DHRS7: variants seen among roughly 807,000 people sequenced by gnomAD.
The protein encoded by DHRS7 is dehydrogenase/reductase SDR family member 7.
A neutral mutation model predicts 38.9 loss-of-function variants in DHRS7; 34 were observed. The observed-to-expected ratio is 0.87, with a 90% CI of 0.66 to 1.16. DHRS7 has a LOEUF of 1.16. Among genes scored for constraint, DHRS7 ranks in the 50% most tolerant of loss-of-function variants. DHRS7 has a pLI of 0.00. For missense variants in DHRS7, 421 were observed against 407.0 expected (o/e 1.03, Z -0.30); for synonymous variants, 158 against 153.1 (o/e 1.03, Z -0.24).
chr14:60,149,639 A>T (rs533715327), intron 5 of DHRS7, 71 bp from the exon 6 acceptor site: 1 of 1,256,482 alleles, frequency 8.0e-7, no homozygotes, highest in African/African-American at 1.5e-5. Context: ...AAAGGACTCA[A>T]ATGCCGTCTA....
At position 60,144,987 on chromosome 14, in the gene DHRS7, G is replaced by A; in HGVS notation, c.999C>T (p.Ile333=). ...CTTTTCAGTCATGTTTTGTCTTAAA[G>A]ATTTTAAAATAAGAAGAGTCTGCAT... The part of the protein sequence containing the change: ...GVDADSSYFK[I]FKTKHD Residue 333 remains isoleucine, a synonymous_variant, in exon 7 of 7, where the codon ATC becomes ATT. Coordinates refer to ENST00000557185, the MANE Select transcript of DHRS7 (RefSeq NM_016029.4). The A allele has an allele frequency of 6.2e-7, 1 of 1,602,642 alleles. No homozygotes were observed.
rs1291166219 is a variant in DHRS7, at chr14:60,152,897, ATTTAAGTCAGTTCTATCAGAGTTGAGTT to A, written c.633+14_633+41del. 6.2e-7 allele frequency: 1 copy of A among 1,611,240 alleles called. No homozygotes were observed. The highest frequency in any genetic ancestry group is 8.5e-7 in the Non-Finnish European group (1 of 1,177,830). ...TGATGGCCATATCCCCCATATACAC[ATTTAAGTCAGTTCTATCAGAGTTGAGTT>A]TGAGCAGCCTTACCCGGAGAGCATG... On this transcript the variant is annotated intron_variant, in intron 4 of 6. Transcript: ENST00000557185.
chr14:60,150,188 C>CA lies in DHRS7; in HGVS notation c.634-2_634-1insT. Reference sequence around the variant, plus strand: ...CTGTTCGAAGGCCATTAAAAAAACCCTAACAGACAAAAAAAAAAAAAAAGG... The same window carrying CA: ...CTGTTCGAAGGCCATTAAAAAAACCCATAACAGACAAAAAAAAAAAAAAAGG... On this transcript the variant is annotated splice_acceptor_variant, in intron 4 of 6. Transcript: ENST00000557185. LOFTEE classifies it high-confidence loss of function. The CA allele has an allele frequency of 7.2e-7, 1 of 1,392,742 alleles. No individual in the cohort carries two copies. Among genetic ancestry groups the CA allele is most frequent in the Non-Finnish European group, 9.3e-7 (1 of 1,078,356 alleles). 86.3% of individuals were successfully genotyped at this position (1,392,742 alleles called of 1,614,324 possible).
upstream of DHRS7, chr14:60,165,660 A>G (rs2140620258): frequency 9.4e-7 from 1 of 1,068,500 alleles, no homozygotes; most frequent in South Asian, 3.7e-5. This position sits in a 1 kb window ranked among gnomAD's most constrained non-coding sequence, Gnocchi z 4.6. Context: ...TGATTCAAAC[A>G]TAAGCTACAT....
upstream of DHRS7, chr14:60,168,581 A>G (rs966165272): frequency 6.0e-6 from 8 of 1,326,390 alleles, no homozygotes; most frequent in Middle Eastern, 4.1e-4. Context: ...ATTTTAAAGT[A>G]AAAAGTTAAA....
intron 1 of DHRS7, 141 bp from the exon 2 acceptor site, chr14:60,156,293 T>G (rs895275960): frequency 1.5e-6 from 1 of 679,628 alleles, no homozygotes; most frequent in African/African-American, 1.9e-5. Context: ...TTTGAAATAT[T>G]CTAAGAAAGC....
intron 4 of DHRS7, chr14:60,152,574 TG>T (rs934089747): frequency 3.2e-5 from 7 of 216,226 alleles, no homozygotes; most frequent in African/African-American, 1.6e-4. Flanking sequence ...AAAGGAGAAG[TG>T]GACCCCCAAT....
intron 6 of DHRS7, 90 bp downstream of exon 6, chr14:60,149,263 C>G (rs772915402): frequency 7.8e-7 from 1 of 1,286,722 alleles, no homozygotes; most frequent in Non-Finnish European, 1.1e-6. Context: ...GCCACTGCAC[C>G]CAGCCAGAAA....
chr14:60,147,287 T>C (rs943897897), intron 6 of DHRS7: 4 of 152,172 alleles, frequency 2.6e-5, no homozygotes, highest in Non-Finnish European at 5.9e-5. Flanking sequence ...ACTTATGTTA[T>C]TATAATTTAC....
At chr14:60,152,457 A>G (rs1327217510) in intron 4 of DHRS7, among the ~76,000 whole-genome samples, 1 of 152,224 alleles carries the variant, frequency 6.6e-6, no homozygotes, top group Non-Finnish European at 1.5e-5. Flanking sequence ...TATTTCTGAC[A>G]TGCATATATA....
At chr14:60,154,661 A>T (rs1896621186) in intron 2 of DHRS7, among the ~76,000 whole-genome samples, 1 of 152,242 alleles carries the variant, frequency 6.6e-6, no homozygotes, top group South Asian at 2.1e-4. Flanking sequence ...AAATACAAGT[A>T]ACATCAGTAA....
At chr14:60,154,281 T>C (rs931584403) in intron 2 of DHRS7, among the ~76,000 whole-genome samples, 4 of 152,058 alleles carry the variant, frequency 2.6e-5, no homozygotes, top group South Asian at 2.1e-4. Flanking sequence ...AACTTGAATA[T>C]GCAGTCTAAC....
intron 5 of DHRS7, 75 bp downstream of exon 5, chr14:60,149,990 G>A: frequency 6.9e-7 from 1 of 1,458,744 alleles, no homozygotes; most frequent in East Asian, 2.4e-5. Flanking sequence ...ATGATATACA[G>A]TGATACAACA....
chr14:60,168,809 G>A, upstream of DHRS7: 1 of 1,514,072 alleles, frequency 6.6e-7, no homozygotes, highest in South Asian at 1.3e-5. Flanking sequence ...TTGCAAACAT[G>A]CTGACACTCC....
At chr14:60,164,504 A>T (rs756035552) in intron 1 of DHRS7, among the ~76,000 whole-genome samples, 1 of 152,208 alleles carries the variant, frequency 6.6e-6, no homozygotes. Context: ...GTTAAATGTT[A>T]TGTGTGTAAA....
At chr14:60,158,339 C>T (rs1896699311) in intron 1 of DHRS7, among the ~76,000 whole-genome samples, 1 of 151,736 alleles carries the variant, frequency 6.6e-6, no homozygotes, top group Non-Finnish European at 1.5e-5. Flanking sequence ...TGTGAAAAGG[C>T]ACAATTGGGC....
chr14:60,155,241 G>A (rs1197737810), intron 2 of DHRS7, among the ~76,000 whole-genome samples: 2 of 152,146 alleles, frequency 1.3e-5, no homozygotes, highest in Admixed American at 1.3e-4. Flanking sequence ...CTGAGGTCAG[G>A]AGGTCGAGAC....
rs747177480 is a variant in DHRS7 at position 60,153,204 on chromosome 14, G to A, written c.394-26C>T. Reference sequence around the variant, plus strand: ...CTAGTTAAATAAAATCAGAAAAGGGGTGTTTGGGGGATGTCTTGTGGATAG... The same window carrying A: ...CTAGTTAAATAAAATCAGAAAAGGGATGTTTGGGGGATGTCTTGTGGATAG... On this transcript the variant is annotated intron_variant, in intron 3 of 6. Coordinates refer to ENST00000557185, the MANE Select transcript of DHRS7 (RefSeq NM_016029.4). The surrounding 1 kb of genome is among the most constrained non-coding windows in gnomAD (Gnocchi z 4.4). The A allele has an allele frequency of 2.5e-6, 4 of 1,613,028 alleles. No homozygotes were observed. The South Asian group carries it at 4.4e-5, about 18-fold the overall frequency.
chr14:60,167,332 T>C (rs2140622030), upstream of DHRS7, among the ~76,000 whole-genome samples: 1 of 152,322 alleles, frequency 6.6e-6, no homozygotes, highest in South Asian at 2.1e-4. Context: ...AAAATGAGAG[T>C]TGCTAGCATT....
Sources: allele counts gnomAD v4.1 joint callset (sites outside exome capture counted in the v4.1 genomes callset), GRCh38; gene constraint gnomAD v4.1.1; non-coding constraint Gnocchi (gnomAD v3.1); transcripts MANE v1.5; gene names NCBI Gene and HGNC (gene_info 2026-07-23, HGNC 2026-07-21).